The following ZDBF2 variants were observed in gnomAD, a reference collection of about 807,000 sequenced individuals.
The protein encoded by ZDBF2 is zinc finger DBF-type containing 2.
A neutral mutation model predicts 9.4 loss-of-function variants in ZDBF2; 6 were observed. The observed-to-expected ratio is 0.64, with a 90% CI of 0.35 to 1.27. The LOEUF (loss-of-function observed/expected upper bound fraction) is 1.27. Among genes scored for constraint, ZDBF2 ranks in the 50% most tolerant of loss-of-function variants. The probability of loss-of-function intolerance (pLI) is 0.03; values close to 1 mark genes in which losing one functional copy is unlikely to be tolerated. For missense variants in ZDBF2, 2,697 were observed against 2,766.8 expected, an observed-to-expected ratio of 0.97 and a Z score of 0.57; for synonymous variants, 905 against 946.3, an observed-to-expected ratio of 0.96 and a Z score of 0.80.
At chr2:206,300,977 C>A (rs1221484844) in intron 4 of ZDBF2, among the ~76,000 whole-genome samples, 4 of 152,184 alleles carry the variant, frequency 2.6e-5, no homozygotes. Flanking sequence ...ACACCAGCAG[C>A]ATAAGAGAAT....
intron 3 of ZDBF2, among the ~76,000 whole-genome samples, chr2:206,294,205 A>G (rs1239793969): frequency 2.6e-5 from 4 of 152,140 alleles, no homozygotes; most frequent in African/African-American, 7.2e-5. Flanking sequence ...AAAGTTAGGT[A>G]ATAGTTACTT....
At chr2:206,297,158 C>A in intron 3 of ZDBF2, 88 bp from the exon 4 acceptor site, 1 of 532,356 alleles carries the variant, frequency 1.9e-6, no homozygotes. Context: ...ATAATTTTAC[C>A]AAGAGTATAG....
At position 206,307,189 on chromosome 2, in the gene ZDBF2, C is replaced by T. The variant is rs755845832; in HGVS notation, c.2661C>T (p.Pro887=). 36 of 1,612,972 alleles carry T rather than the reference C, an allele frequency of 2.2e-5. No individual in the cohort carries two copies. The Middle Eastern group carries it at 5.0e-4, about 22-fold the overall frequency. Residue 887 remains proline (P), a synonymous_variant, in exon 5 of 5, where the codon CCC becomes CCT. Transcript: ENST00000374423. The part of the protein sequence containing the change: ...HAPLHSVTNS[P]EVAVKKLNPQ... ...CTCTTCATTCAGTGACTAATTCTCC[C>T]GAAGTAGCTGTTAAAAAGCTAAATC...
intron 4 of ZDBF2, among the ~76,000 whole-genome samples, chr2:206,301,655 A>G (rs1014679650): frequency 2.0e-5 from 3 of 152,112 alleles, no homozygotes; most frequent in Admixed American, 2.0e-4. Context: ...TTTCTAACTT[A>G]TAGGATTTAT....
At chr2:206,292,601 A>G (rs999403563) in intron 3 of ZDBF2, among the ~76,000 whole-genome samples, 4 of 152,176 alleles carry the variant, frequency 2.6e-5, no homozygotes, top group Non-Finnish European at 5.9e-5. Context: ...ACTATTATTT[A>G]TACACAACAT....
intron 4 of ZDBF2, among the ~76,000 whole-genome samples, chr2:206,298,839 C>T (rs1692341526): frequency 6.6e-6 from 1 of 151,824 alleles, no homozygotes; most frequent in South Asian, 2.1e-4. Flanking sequence ...ATGTATAACT[C>T]TCATAAGCAG....
At chr2:206,288,978 C>T (rs145335313) in intron 3 of ZDBF2, among the ~76,000 whole-genome samples, 1 of 152,202 alleles carries the variant, frequency 6.6e-6, no homozygotes, top group Admixed American at 6.5e-5. Flanking sequence ...GGGAACAGTA[C>T]AACAATGACT....
At position 206,307,107 on chromosome 2, in the gene ZDBF2, TAGAA is replaced by T; in HGVS notation, c.2582_2585del (p.Glu861GlyfsTer11). On this transcript the variant is annotated frameshift_variant, in exon 5 of 5. Coordinates refer to ENST00000374423, the MANE Select transcript of ZDBF2 (RefSeq NM_020923.3). LOFTEE classifies it low-confidence loss of function (END_TRUNC). ...ATTCAGAAAGAAGAGTACATTCACT[TAGAA>T]AGGAAGAATGATGAACCCAGTGGTT... 1 of 1,611,974 alleles carries T rather than the reference TAGAA, an allele frequency of 6.2e-7. No individual in the cohort carries two copies. The highest frequency in any genetic ancestry group is 1.1e-5 in the South Asian group (1 of 90,534).
At position 206,297,168 on chromosome 2, in the gene ZDBF2, G is replaced by T. The variant is rs183352860; in HGVS notation, c.61-78G>T. 2.7e-4 allele frequency: 162 copies of T among 603,274 alleles called. No individual in the cohort carries two copies. In the East Asian group the frequency reaches 4.1e-3, roughly 15 times the overall value. The allele number at this position is 603,274 out of a possible 1,614,324, so 37.4% of individuals were successfully genotyped here. On this transcript the variant is annotated intron_variant, in intron 3 of 4. Transcript: ENST00000374423. ...AATTCATAATTTTACCAAGAGTATA[G>T]AAATGAATCCATTTTGTCGAACTCT...
Position 206,310,431 on chromosome 2 carries a change from C to G in ZDBF2, c.5903C>G (p.Pro1968Arg), listed in dbSNP as rs372445298. Residue 1968 changes from proline (P) to arginine (R), a missense_variant, in exon 5 of 5, where the codon CCA (proline) becomes CGA (arginine). Pro to Arg is a moderately radical substitution (Grantham distance 103). This residue lies in a region of ZDBF2 where 1,783 missense variants were observed against 1,776.5 expected (regional missense o/e 1.00). Coordinates refer to ENST00000374423, the MANE Select transcript of ZDBF2 (RefSeq NM_020923.3). ...ATAATTAGACAAGAGGAAGACCCACCAAAAAGTAAGTGTTCACGTTTACAG... is the reference window on the plus strand; with the variant it reads ...ATAATTAGACAAGAGGAAGACCCACGAAAAAGTAAGTGTTCACGTTTACAG... Reference protein sequence around the residue: ...RKIIRQEEDPPKSKCSRLQDD... With the variant: ...RKIIRQEEDPRKSKCSRLQDD... 6.2e-7 allele frequency: 1 copy of G among 1,613,654 alleles called. No homozygotes were observed. Among genetic ancestry groups the G allele is most frequent in the Non-Finnish European group, 8.5e-7 (1 of 1,179,838 alleles).
At chr2:206,287,500 A>G (rs930639334) in intron 3 of ZDBF2, among the ~76,000 whole-genome samples, 1 of 152,188 alleles carries the variant, frequency 6.6e-6, no homozygotes, top group Admixed American at 6.5e-5. Context: ...TTCAGATTCC[A>G]TCTTTGGTCT....
intron 4 of ZDBF2, among the ~76,000 whole-genome samples, chr2:206,297,664 G>A (rs1692265530): frequency 6.6e-6 from 1 of 152,028 alleles, no homozygotes; most frequent in South Asian, 2.1e-4. Context: ...GGGAAAAGGA[G>A]GAAGAGATAG....
intron 1 of ZDBF2, among the ~76,000 whole-genome samples, chr2:206,277,230 C>A (rs923656453): frequency 6.6e-6 from 1 of 151,818 alleles, no homozygotes; most frequent in Non-Finnish European, 1.5e-5. Flanking sequence ...CACGACAACT[C>A]CAGACTCATT....
rs901556702 is a variant in ZDBF2 at position 206,307,427 on chromosome 2, G to A, written c.2899G>A (p.Ala967Thr). Residue 967 changes from alanine (A) to threonine (T), a missense_variant, in exon 5 of 5, where the codon GCG (alanine) becomes ACG (threonine). Transcript: ENST00000374423. The part of the protein sequence containing the change: ...SLDSDVPLQA[A>T]THKPEVIVKE... ...GGATTCTGATGTCCCTCTTCAGGCA[G>A]CGACTCACAAACCTGAAGTAATTGT... 1 of 1,611,866 alleles carries A rather than the reference G, an allele frequency of 6.2e-7. No individual in the cohort carries two copies. The highest frequency in any genetic ancestry group is 1.3e-5 in the African/African-American group (1 of 74,828).
At chr2:206,288,263 G>A (rs1691699708) in intron 3 of ZDBF2, among the ~76,000 whole-genome samples, 1 of 152,178 alleles carries the variant, frequency 6.6e-6, no homozygotes, top group Non-Finnish European at 1.5e-5. Flanking sequence ...CTAGTTGGGA[G>A]AGTGTGGTTA....
rs376376827 is a variant in ZDBF2, at chr2:206,311,399, C to T, written c.6871C>T (p.Pro2291Ser). The change falls in exon 5 of 5, where the codon CCA becomes TCA. Residue 2291 changes from proline to serine, a missense_variant. By Grantham distance (74) the Pro-to-Ser change is moderately conservative. Around this residue, in one of 3 missense-constraint regions of ZDBF2, gnomAD observed 1,783 missense variants for 1,776.5 expected, o/e 1.00. Transcript: ENST00000374423. ...GTCAAGCGCTATGGCAAATCCTCCTCCAAAGCGACCTGTGCGGGCTTCTTG... is the reference window on the plus strand; with the variant it reads ...GTCAAGCGCTATGGCAAATCCTCCTTCAAAGCGACCTGTGCGGGCTTCTTG... ...ELSSAMANPP[P>S]KRPVRASCRV... is the part of the protein sequence containing the mutation. 2 of 1,607,710 alleles carry T rather than the reference C, an allele frequency of 1.2e-6. No individual in the cohort carries two copies. The highest frequency in any genetic ancestry group is 1.7e-5 in the Admixed American group (1 of 58,718).
At chr2:206,302,276 G>C (rs953145504) in intron 4 of ZDBF2, among the ~76,000 whole-genome samples, 8 of 151,980 alleles carry the variant, frequency 5.3e-5, no homozygotes, top group African/African-American at 1.7e-4. Flanking sequence ...TTCCAAAGTG[G>C]GGGGATTACA....
In ZDBF2 at chr2:206,274,731, C is replaced by T. The variant is rs535739984; in HGVS notation, c.-318C>T. 4 of 152,362 alleles carry T rather than the reference C, an allele frequency of 2.6e-5. No individual in the cohort carries two copies. In the South Asian group the frequency reaches 8.3e-4, roughly 32 times the overall value. The allele number at this position is 152,362 out of a possible 1,614,324, so 9.4% of individuals were successfully genotyped here. A position where few individuals can be genotyped will look rare whatever the true frequency, so the allele number is the denominator to read the frequency against. The stretch of plus-strand genomic sequence containing the variant: ...GCGTGAGTGGAGTCGCGACTCGGGG[C>T]CCGCGTCCTGAGAGACGCGCTCCCG... On this transcript the variant is annotated 5_prime_UTR_variant, in exon 1 of 5. Coordinates refer to ENST00000374423, the MANE Select transcript of ZDBF2 (RefSeq NM_020923.3).
At chr2:206,286,108 TTGTGGCCTAATA>T (rs1324685038) in intron 3 of ZDBF2, among the ~76,000 whole-genome samples, 2 of 152,260 alleles carry the variant, frequency 1.3e-5, no homozygotes, top group African/African-American at 4.8e-5. Flanking sequence ...GGAGACCTCT[TTGTGGCCTAATA>T]TGTGGCCTAT....
Sources: allele counts gnomAD v4.1 joint callset (sites outside exome capture counted in the v4.1 genomes callset), GRCh38; gene constraint gnomAD v4.1.1; regional missense constraint gnomAD v4.1.1; transcripts MANE v1.5; gene names NCBI Gene and HGNC (gene_info 2026-07-23, HGNC 2026-07-21).